Variants in CTNNBIP1 observed in about 807,000 individuals in gnomAD.
CTNNBIP1 encodes the protein beta-catenin-interacting protein 1.
A neutral mutation model predicts 11.8 loss-of-function variants in CTNNBIP1; 7 were observed. The observed-to-expected ratio is 0.60, with a 90% CI of 0.34 to 1.12. The LOEUF is 1.12. Among genes scored for constraint, CTNNBIP1 ranks in the 50% most tolerant of loss-of-function variants. The pLI, the probability that CTNNBIP1 is intolerant of heterozygous loss-of-function variation, is 0.03. For missense variants in CTNNBIP1, 101 were observed against 113.4 expected (o/e 0.89, Z 0.50); for synonymous variants, 58 against 43.9 (o/e 1.32, Z -1.26).
chr1:9,908,370 CTTTTTTTT>C (rs35640583), intron 1 of CTNNBIP1, among the ~76,000 whole-genome samples: 1 of 72,464 alleles, frequency 1.4e-5, no homozygotes, highest in Admixed American at 1.7e-4. Context: ...TCCACAGATT[CTTTTTTTT>C]TTTTTTTTTT....
intron 2 of CTNNBIP1, among the ~76,000 whole-genome samples, chr1:9,880,740 T>C (rs953423043): frequency 2.6e-5 from 4 of 152,208 alleles, no homozygotes; most frequent in African/African-American, 4.8e-5. Flanking sequence ...TCAAAGTCCC[T>C]GGACCCCAGG....
intron 1 of CTNNBIP1, among the ~76,000 whole-genome samples, chr1:9,902,564 A>G (rs1420016144): frequency 6.6e-6 from 1 of 152,092 alleles, no homozygotes; most frequent in Non-Finnish European, 1.5e-5. Context: ...TCTTCTGGAA[A>G]GCCAACCCAG....
chr1:9,886,809 C>A (rs1388416387), intron 1 of CTNNBIP1, among the ~76,000 whole-genome samples: 1 of 152,204 alleles, frequency 6.6e-6, no homozygotes, highest in Non-Finnish European at 1.5e-5. Flanking sequence ...CTCAGGTCCT[C>A]TAGCGACATC....
chr1:9,891,116 G>A (rs1199818307), intron 1 of CTNNBIP1, among the ~76,000 whole-genome samples: 1 of 150,576 alleles, frequency 6.6e-6, no homozygotes, highest in African/African-American at 2.4e-5. Context: ...AGTACTTCAA[G>A]AAGAAAGGGG....
intron 3 of CTNNBIP1, among the ~76,000 whole-genome samples, chr1:9,875,723 C>T (rs1038009548): frequency 8.5e-5 from 13 of 152,198 alleles, no homozygotes; most frequent in African/African-American, 3.1e-4. Flanking sequence ...GAGCTGATTC[C>T]GCCCTGCTGC....
intron 5 of CTNNBIP1, among the ~76,000 whole-genome samples, chr1:9,869,561 G>C (rs886647736): frequency 6.6e-6 from 1 of 152,064 alleles, no homozygotes; most frequent in Non-Finnish European, 1.5e-5. Flanking sequence ...CTGACCTCAG[G>C]TGATCCACCT....
intron 1 of CTNNBIP1, among the ~76,000 whole-genome samples, chr1:9,884,887 G>A (rs1397048490): frequency 6.6e-6 from 1 of 152,146 alleles, no homozygotes; most frequent in Non-Finnish European, 1.5e-5. Context: ...CTATGGTGGG[G>A]GCACAGGGGC....
chr1:9,864,611 A>C lies in CTNNBIP1; in HGVS notation c.187+6576T>G, dbSNP rs147185945. Among the ~76,000 whole-genome samples, 852 of 152,236 alleles carry C rather than the reference A, an allele frequency of 5.6e-3. 11 individuals carry two copies. The highest frequency in any genetic ancestry group is 0.02 in the African/African-American group (819 of 41,572). On this transcript the variant is annotated intron_variant, in intron 5 of 5. Coordinates refer to ENST00000377263, the MANE Select transcript of CTNNBIP1 (RefSeq NM_020248.3). ...CGAAAGTGCTGAGATTACAGGTGTG[A>C]GCCACCGTGCCTGGCCGGACAAGGG...
chr1:9,869,618 C>A (rs557892690), intron 5 of CTNNBIP1, among the ~76,000 whole-genome samples: 1 of 152,302 alleles, frequency 6.6e-6, no homozygotes, highest in African/African-American at 2.4e-5. Context: ...AGCCACCGTA[C>A]CCGGCCTGTT....
At chr1:9,903,181 G>T (rs1639556098) in intron 1 of CTNNBIP1, among the ~76,000 whole-genome samples, 1 of 152,138 alleles carries the variant, frequency 6.6e-6, no homozygotes, top group Non-Finnish European at 1.5e-5. Flanking sequence ...TCATTAGAAG[G>T]AAGGAGGGGA....
At chr1:9,862,083 A>G (rs1638643857) in intron 5 of CTNNBIP1, among the ~76,000 whole-genome samples, 1 of 141,226 alleles carries the variant, frequency 7.1e-6, no homozygotes, top group South Asian at 2.5e-4. Flanking sequence ...GACCTTTGTG[A>G]TATGTCTTCC....
At chr1:9,877,057 C>T (rs977704426) in intron 3 of CTNNBIP1, among the ~76,000 whole-genome samples, 7 of 152,194 alleles carry the variant, frequency 4.6e-5, no homozygotes, top group Admixed American at 2.0e-4. Flanking sequence ...GTAAGAGGCA[C>T]GCTCAGATGC....
At chr1:9,866,976 T>C (rs1351617804) in intron 5 of CTNNBIP1, among the ~76,000 whole-genome samples, 2 of 152,088 alleles carry the variant, frequency 1.3e-5, no homozygotes, top group Non-Finnish European at 2.9e-5. Flanking sequence ...GCCGTGTACT[T>C]GCTGGGCATT....
chr1:9,890,714 C>T (rs145454290), intron 1 of CTNNBIP1, among the ~76,000 whole-genome samples: 95 of 152,246 alleles, frequency 6.2e-4, no homozygotes, highest in African/African-American at 2.1e-3. Flanking sequence ...CAGGCCTGAC[C>T]GACCTTCCCC....
At chr1:9,893,979 A>G in intron 1 of CTNNBIP1, among the ~76,000 whole-genome samples, 2 of 152,246 alleles carry the variant, frequency 1.3e-5, no homozygotes, top group East Asian at 3.8e-4. Flanking sequence ...GAAATCCAGG[A>G]CAATAACCCA....
chr1:9,891,159 TG>T (rs900662694), intron 1 of CTNNBIP1, among the ~76,000 whole-genome samples: 14 of 115,272 alleles, frequency 1.2e-4, no homozygotes, highest in Non-Finnish European at 1.4e-4. Flanking sequence ...TTGGCGGGGG[TG>T]GGGGGCACTC....
At chr1:9,878,338 C>A (rs1639013154) in intron 2 of CTNNBIP1, among the ~76,000 whole-genome samples, 1 of 152,194 alleles carries the variant, frequency 6.6e-6, no homozygotes, top group African/African-American at 2.4e-5. Flanking sequence ...GAATGCATCA[C>A]TCCAGGAAAG....
chr1:9,885,600 T>C (rs1252151341), intron 1 of CTNNBIP1, among the ~76,000 whole-genome samples: 1 of 150,446 alleles, frequency 6.6e-6, no homozygotes, highest in Non-Finnish European at 1.5e-5. Flanking sequence ...GCAGTGATCA[T>C]GCCACTAAAC....
intron 1 of CTNNBIP1, among the ~76,000 whole-genome samples, chr1:9,894,903 C>CT (rs1557764202): frequency 2.7e-5 from 3 of 109,464 alleles, no homozygotes; most frequent in African/African-American, 1.0e-4. Flanking sequence ...CCATGCCTGG[C>CT]TATTTTTTTT....
Sources: allele counts gnomAD v4.1 joint callset (sites outside exome capture counted in the v4.1 genomes callset), GRCh38; gene constraint gnomAD v4.1.1; transcripts MANE v1.5; gene names NCBI Gene and HGNC (gene_info 2026-07-23, HGNC 2026-07-21).